The following FILIP1L variants were observed in gnomAD, a reference collection of about 807,000 sequenced individuals.
The protein encoded by FILIP1L is filamin A-interacting protein 1-like.
FILIP1L carries 55 observed loss-of-function variants against 96.6 expected under a neutral mutation model. That is an observed-to-expected ratio of 0.57 (90% CI 0.46 to 0.71). The LOEUF is 0.71. Ranked by LOEUF, FILIP1L falls within the 30% of genes least tolerant of loss-of-function variation. The pLI, the probability that FILIP1L is intolerant of heterozygous loss-of-function variation, is 0.00. For missense variants in FILIP1L, 1,304 were observed against 1,321.2 expected (o/e 0.99, Z 0.20); for synonymous variants, 467 against 473.9 (o/e 0.99, Z 0.19).
At chr3:99,962,998 C>G (rs2107705608) in intron 1 of FILIP1L, among the ~76,000 whole-genome samples, 1 of 152,324 alleles carries the variant, frequency 6.6e-6, no homozygotes, top group South Asian at 2.1e-4. Context: ...AGATTGCTCT[C>G]TTGATGGATT....
At chr3:99,922,470 C>A (rs1707155521) in intron 4 of FILIP1L, among the ~76,000 whole-genome samples, 1 of 152,050 alleles carries the variant, frequency 6.6e-6, no homozygotes, top group Admixed American at 6.5e-5. Flanking sequence ...AATAAACCTC[C>A]TGGAAAAAAT....
chr3:99,834,389 G>C (rs1461915347), intron 5 of FILIP1L, among the ~76,000 whole-genome samples: 2 of 152,170 alleles, frequency 1.3e-5, no homozygotes, highest in African/African-American at 2.4e-5. Flanking sequence ...ATGTATCATG[G>C]TTTGTGGTTG....
chr3:99,881,823 G>A (rs1009132721), intron 4 of FILIP1L, among the ~76,000 whole-genome samples: 2 of 152,120 alleles, frequency 1.3e-5, no homozygotes, highest in Non-Finnish European at 2.9e-5. Context: ...GTGAGCCACC[G>A]TGACTGACCC....
intron 1 of FILIP1L, among the ~76,000 whole-genome samples, chr3:99,960,999 AG>A (rs1238689462): frequency 2.0e-5 from 3 of 152,200 alleles, no homozygotes; most frequent in African/African-American, 7.2e-5. Flanking sequence ...GCGTGTGTGC[AG>A]ATCGCAGGTT....
intron 1 of FILIP1L, among the ~76,000 whole-genome samples, chr3:100,004,144 T>G (rs1559721855): frequency 1.3e-5 from 2 of 152,232 alleles, no homozygotes; most frequent in Non-Finnish European, 2.9e-5. Flanking sequence ...CTAGGGGATT[T>G]GCAAGGTAAT....
chr3:100,075,856 A>C (rs1253814829), intron 1 of FILIP1L, among the ~76,000 whole-genome samples: 1 of 151,930 alleles, frequency 6.6e-6, no homozygotes, highest in Non-Finnish European at 1.5e-5. Flanking sequence ...CTTATCTTAA[A>C]CTCTACAAGC....
At chr3:100,060,413 G>A (rs1158060991) in intron 1 of FILIP1L, among the ~76,000 whole-genome samples, 1 of 151,930 alleles carries the variant, frequency 6.6e-6, no homozygotes, top group East Asian at 1.9e-4. Flanking sequence ...CCTTGGCCTA[G>A]CAAGGTAGCT....
intron 1 of FILIP1L, among the ~76,000 whole-genome samples, chr3:99,976,973 A>G (rs1708991359): frequency 6.6e-6 from 1 of 152,208 alleles, no homozygotes; most frequent in Non-Finnish European, 1.5e-5. Flanking sequence ...TGCACCTTGC[A>G]GGAATTCTAT....
intron 1 of FILIP1L, among the ~76,000 whole-genome samples, chr3:100,111,012 A>T (rs2066481525): frequency 6.6e-6 from 1 of 152,144 alleles, no homozygotes; most frequent in Admixed American, 6.6e-5. Context: ...ACTCAGAATA[A>T]TTTTTTATTT....
At chr3:99,956,632 C>T (rs1045814968) in intron 1 of FILIP1L, among the ~76,000 whole-genome samples, 1 of 152,238 alleles carries the variant, frequency 6.6e-6, no homozygotes, top group Admixed American at 6.5e-5. Flanking sequence ...AAGGCGTGAG[C>T]CCCCGCGCCC....
At chr3:100,030,111 A>G (rs541572236) in intron 1 of FILIP1L, among the ~76,000 whole-genome samples, 2 of 152,318 alleles carry the variant, frequency 1.3e-5, no homozygotes, top group East Asian at 1.9e-4. Context: ...CGGAGACCCA[A>G]CGAGCACCAA....
intron 1 of FILIP1L, among the ~76,000 whole-genome samples, chr3:100,000,182 CCTTCTTCTGATCCTTCAGG>C (rs992302382): frequency 2.6e-5 from 4 of 152,180 alleles, no homozygotes; most frequent in Admixed American, 6.5e-5. Context: ...TTTCTTCCTG[CCTTCTTCTGATCCTTCAGG>C]TCTCTATCTA....
intron 4 of FILIP1L, among the ~76,000 whole-genome samples, chr3:99,893,916 G>A (rs1388287088): frequency 6.6e-6 from 1 of 152,170 alleles, no homozygotes; most frequent in Non-Finnish European, 1.5e-5. Context: ...AAATATTTCT[G>A]TGAGTTGCTC....
At chr3:100,008,201 T>C (rs1710042701) in intron 1 of FILIP1L, among the ~76,000 whole-genome samples, 1 of 152,166 alleles carries the variant, frequency 6.6e-6, no homozygotes, top group Admixed American at 6.5e-5. Context: ...GGAAGGAGCC[T>C]TTCCATAACT....
At chr3:100,042,440 C>T (rs988461996) in intron 1 of FILIP1L, among the ~76,000 whole-genome samples, 6 of 152,186 alleles carry the variant, frequency 3.9e-5, no homozygotes, top group Non-Finnish European at 8.8e-5. Flanking sequence ...TAATAAAATT[C>T]TCTAAACTGT....
chr3:99,876,383 TGGTGGGCC>T (rs147852464), intron 4 of FILIP1L, among the ~76,000 whole-genome samples: 3 of 151,782 alleles, frequency 2.0e-5, no homozygotes, highest in African/African-American at 7.3e-5. Context: ...AGGGAATGAG[TGGTGGGCC>T]GGTGGGCCGG....
chr3:99,941,074 T>C (rs996542601), intron 1 of FILIP1L, among the ~76,000 whole-genome samples: 2 of 152,250 alleles, frequency 1.3e-5, no homozygotes, highest in Non-Finnish European at 2.9e-5. Flanking sequence ...CTGAAGCATA[T>C]AAGTTTAGTC....
In FILIP1L at chr3:99,848,456, C is replaced by T. The variant is rs747046056; in HGVS notation, c.3220G>A (p.Val1074Ile). The T allele has an allele frequency of 1.9e-6, 3 of 1,614,046 alleles. No homozygotes were observed. The highest frequency in any genetic ancestry group is 2.5e-6 in the Non-Finnish European group (3 of 1,180,016). The change falls in exon 5 of 6, where the codon GTA becomes ATA. Residue 1074 changes from valine to isoleucine, a missense_variant. Physicochemically the swap from Val to Ile is conservative, Grantham distance 29 (BLOSUM62 3). Transcript: ENST00000477258. ...IHLGSPYMQA[V>I]ASPVRPASPS... is the part of the protein sequence containing the mutation. ...CTGGCAGGTCTCACAGGGCTGGCTA[C>T]AGCTTGCATGTAAGGACTTCCTAAG...
At chr3:100,101,771 T>A (rs2066310028) in intron 1 of FILIP1L, among the ~76,000 whole-genome samples, 1 of 151,812 alleles carries the variant, frequency 6.6e-6, no homozygotes, top group Non-Finnish European at 1.5e-5. Flanking sequence ...CCCTCCCCGC[T>A]CCCCTCACCC....
Sources: gnomAD v4.1 joint callset for allele counts (sites outside exome capture counted in the v4.1 genomes callset) on GRCh38, gnomAD v4.1.1 for gene constraint, MANE v1.5 for transcripts, NCBI Gene and HGNC (gene_info 2026-07-23, HGNC 2026-07-21) for gene names.